Variants in TANC2 observed in about 807,000 individuals in gnomAD.
TANC2 encodes protein TANC2.
TANC2 carries 26 observed loss-of-function variants against 210.5 expected under a neutral mutation model. The observed-to-expected ratio is 0.12, with a 90% CI of 0.09 to 0.17. TANC2 has a LOEUF of 0.17. Among genes scored for constraint, TANC2 ranks in the 10% least tolerant of loss-of-function variants. The probability of loss-of-function intolerance (pLI) is 1.00; values close to 1 mark genes in which losing one functional copy is unlikely to be tolerated. For missense variants in TANC2, 2,129 were observed against 2,608.9 expected (o/e 0.82, Z 4.01); for synonymous variants, 931 against 967.1 (o/e 0.96, Z 0.69).
In TANC2 at chr17:63,340,336, C is replaced by CA. The variant is rs753729670; in HGVS notation, c.1807+5dup. 3.7e-6 allele frequency: 6 copies of CA among 1,612,168 alleles called. No individual in the cohort carries two copies. The highest frequency in any genetic ancestry group is 3.4e-6 in the Non-Finnish European group (4 of 1,178,606). On this transcript the variant is annotated splice_donor_region_variant and intron_variant, in intron 12 of 27. Coordinates refer to ENST00000689528, the Ensembl canonical transcript of TANC2. ...CCACTAGAAAATCTCCATAAAGGTA[C>CA]AGATAAGGCCCAAAGGAGGGGAAAG...
At chr17:63,044,182 G>A (rs1198629465) in intron 2 of TANC2, among the ~76,000 whole-genome samples, 1 of 152,032 alleles carries the variant, frequency 6.6e-6, no homozygotes, top group Non-Finnish European at 1.5e-5. Context: ...TGCTGTAACT[G>A]TATCCTAACA....
chr17:63,178,645 A>G (rs919572917), intron 5 of TANC2, among the ~76,000 whole-genome samples: 3 of 152,260 alleles, frequency 2.0e-5, no homozygotes. Context: ...AACTCTGTTA[A>G]AGAGAAAGCA....
intron 19 of TANC2, 147 bp from the exon 20 acceptor site, chr17:63,404,975 T>C: frequency 1.0e-6 from 1 of 977,732 alleles, no homozygotes; most frequent in Non-Finnish European, 1.4e-6. Flanking sequence ...TTTAGAACTT[T>C]TCTTTATGGA....
At chr17:63,229,043 C>G (rs1020602106) in intron 7 of TANC2, among the ~76,000 whole-genome samples, 1 of 152,146 alleles carries the variant, frequency 6.6e-6, no homozygotes, top group African/African-American at 2.4e-5. Flanking sequence ...CTTCCCCATT[C>G]ATTATGATAT....
intron 4 of TANC2, among the ~76,000 whole-genome samples, chr17:63,130,375 G>T (rs939567622): frequency 6.6e-6 from 1 of 152,046 alleles, no homozygotes; most frequent in African/African-American, 2.4e-5. Flanking sequence ...AGCTGGGCGT[G>T]GTGGTGCACA....
chr17:63,351,139 T>G, intron 12 of TANC2, 111 bp from the exon 13 acceptor site: 1 of 990,392 alleles, frequency 1.0e-6, no homozygotes, highest in Non-Finnish European at 1.5e-6. Context: ...ACTAAACACA[T>G]GACAAGCCTT....
chr17:63,058,977 A>G (rs1399397194), intron 2 of TANC2, among the ~76,000 whole-genome samples: 1 of 152,138 alleles, frequency 6.6e-6, no homozygotes, highest in Non-Finnish European at 1.5e-5. Flanking sequence ...TCTGTGAAGA[A>G]TGTCATTGGT....
chr17:63,335,953 A>G (rs888809397), intron 11 of TANC2, among the ~76,000 whole-genome samples: 7 of 152,100 alleles, frequency 4.6e-5, no homozygotes, highest in Admixed American at 1.3e-4. Context: ...AAAATAAATA[A>G]AAGTCCTACT....
At position 63,336,958 on chromosome 17, in the gene TANC2, C is replaced by T. The variant is rs947325524; in HGVS notation, c.1576-3143C>T. Among the ~76,000 whole-genome samples, 8 of 151,800 alleles carry T rather than the reference C, an allele frequency of 5.3e-5. 1 individual carries two copies. The highest frequency in any genetic ancestry group is 4.4e-5 in the Non-Finnish European group (3 of 67,964). On this transcript the variant is annotated intron_variant, in intron 11 of 27. Coordinates refer to ENST00000689528, the Ensembl canonical transcript of TANC2. ...GTGATCTAATATCTCTTACCAAGCG[C>T]GCTGGTACTAATGAGAAACTGAAGG...
intron 5 of TANC2, among the ~76,000 whole-genome samples, chr17:63,165,149 C>T (rs983133135): frequency 1.3e-5 from 2 of 151,904 alleles, no homozygotes; most frequent in Non-Finnish European, 2.9e-5. Context: ...GGCGTGGTGG[C>T]TGTAGTCTGA....
Position 63,412,418 on chromosome 17 carries a change from C to T in TANC2, c.3899-262C>T, listed in dbSNP as rs1272918405. Among the ~76,000 whole-genome samples the T allele has an allele frequency of 6.6e-6, 1 of 152,154 alleles. No individual in the cohort carries two copies. The highest frequency in any genetic ancestry group is 2.1e-4 in the South Asian group (1 of 4,820). ...CCTCTCAGCACTGCCTCTGTTCCAG[C>T]CCCACTCTATCAGCATCCTGGATCT... On this transcript the variant is annotated intron_variant, in intron 23 of 27. Transcript: ENST00000689528. The surrounding 1 kb of genome is among the most constrained non-coding windows in gnomAD (Gnocchi z 4.2).
intron 9 of TANC2, chr17:63,313,383 A>T (rs530979622): frequency 6.6e-6 from 1 of 152,304 alleles, no homozygotes; most frequent in South Asian, 2.1e-4. Context: ...TTTAACCCAG[A>T]TATGGACCAT....
At chr17:63,019,972 G>A (rs553689505) in intron 2 of TANC2, among the ~76,000 whole-genome samples, 2 of 152,332 alleles carry the variant, frequency 1.3e-5, no homozygotes, top group East Asian at 3.9e-4. Context: ...TTGTTGCCAG[G>A]CTGGAGTGCA....
intron 7 of TANC2, among the ~76,000 whole-genome samples, chr17:63,219,438 G>A (rs2042109847): frequency 6.6e-6 from 1 of 151,600 alleles, no homozygotes; most frequent in Admixed American, 6.6e-5. Context: ...AGCTCCCTAA[G>A]AAAAAGTTTT....
intron 4 of TANC2, among the ~76,000 whole-genome samples, chr17:63,134,568 AC>A (rs143912882): frequency 0.018 from 2,722 of 152,250 alleles, 31 homozygotes; most frequent in South Asian, 0.025. Context: ...AATGCATTAT[AC>A]TTCAGCTGTC....
chr17:63,407,294 A>G (rs1037390561), intron 21 of TANC2, among the ~76,000 whole-genome samples: 1 of 152,156 alleles, frequency 6.6e-6, no homozygotes. Context: ...TAAGCTACCA[A>G]AGAAATTTGG....
At chr17:63,066,714 G>T (rs982468308) in intron 2 of TANC2, among the ~76,000 whole-genome samples, 3 of 151,470 alleles carry the variant, frequency 2.0e-5, no homozygotes, top group African/African-American at 7.3e-5. Context: ...ACCAAGAGTT[G>T]TCAGGCCATT....
chr17:63,357,617 C>T (rs1253728915), intron 14 of TANC2, among the ~76,000 whole-genome samples: 1 of 152,218 alleles, frequency 6.6e-6, no homozygotes, highest in Non-Finnish European at 1.5e-5. Context: ...ACTCAGCCCC[C>T]TCCCCAGCAA....
intron 4 of TANC2, among the ~76,000 whole-genome samples, chr17:63,120,531 C>T (rs758051218): frequency 6.6e-6 from 1 of 151,988 alleles, no homozygotes; most frequent in East Asian, 1.9e-4. Flanking sequence ...AAAGTCTTTT[C>T]AAGGCCAGGT....
Sources: allele counts gnomAD v4.1 joint callset (sites outside exome capture counted in the v4.1 genomes callset), GRCh38; gene constraint gnomAD v4.1.1; non-coding constraint Gnocchi (gnomAD v3.1); transcripts MANE v1.5; gene names NCBI Gene and HGNC (gene_info 2026-07-23, HGNC 2026-07-21).